The following NALCN variants were observed in gnomAD, a reference collection of about 807,000 sequenced individuals.
NALCN encodes sodium leak channel NALCN.
A neutral mutation model predicts 225.3 loss-of-function variants in NALCN; 111 were observed. The ratio of observed to expected loss-of-function variants is 0.49; its 90% CI spans 0.42 to 0.58. The LOEUF (loss-of-function observed/expected upper bound fraction) is 0.58. Among genes scored for constraint, NALCN ranks in the 20% least tolerant of loss-of-function variants. The probability of loss-of-function intolerance (pLI) is 0.00; values close to 1 mark genes in which losing one functional copy is unlikely to be tolerated. For synonymous variants in NALCN, 764 were observed against 769.0 expected (o/e 0.99, Z 0.11); for missense variants, 1,378 against 2,202.4 (o/e 0.63, Z 7.49).
chr13:101,328,022 A>T (rs1196637361), intron 7 of NALCN, among the ~76,000 whole-genome samples: 2 of 152,092 alleles, frequency 1.3e-5, no homozygotes, highest in Non-Finnish European at 2.9e-5. Flanking sequence ...TTGCGATAAA[A>T]CTTTGTTTAC....
chr13:101,110,331 A>G (rs2035361485), intron 20 of NALCN, among the ~76,000 whole-genome samples: 2 of 152,230 alleles, frequency 1.3e-5, no homozygotes. Context: ...TACAATGCTT[A>G]AAATGTCTTT....
chr13:101,362,177 C>T (rs1012356443), intron 6 of NALCN, among the ~76,000 whole-genome samples: 2 of 151,846 alleles, frequency 1.3e-5, no homozygotes, highest in African/African-American at 4.8e-5. Context: ...TGAAACATAA[C>T]ATATACATAG....
intron 10 of NALCN, among the ~76,000 whole-genome samples, chr13:101,272,099 ATG>A (rs1428359832): frequency 8.0e-5 from 12 of 150,678 alleles, no homozygotes; most frequent in East Asian, 4.0e-4. Flanking sequence ...ACGAGTGTGC[ATG>A]TGTGTGTCTG....
At chr13:101,284,239 T>G (rs1433568773) in intron 9 of NALCN, among the ~76,000 whole-genome samples, 2 of 152,220 alleles carry the variant, frequency 1.3e-5, no homozygotes, top group African/African-American at 4.8e-5. Flanking sequence ...CTACTTGCTA[T>G]GTCAGGCACT....
rs558099427 is a variant in NALCN, at chr13:101,082,774, A to T, written c.3765+35T>A. ...GCTGATTTACTTTAAAACTGTGCAC[A>T]GATTCCCCCAGAGCTAGCTGACTCA... On this transcript the variant is annotated intron_variant, in intron 33 of 43. Coordinates refer to ENST00000251127, the MANE Select transcript of NALCN (RefSeq NM_052867.4). 3.5e-4 allele frequency: 559 copies of T among 1,608,448 alleles called. 4 individuals carry two copies. In the South Asian group the frequency reaches 5.8e-3, roughly 17 times the overall value.
intron 17 of NALCN, among the ~76,000 whole-genome samples, chr13:101,125,077 A>G (rs1006733579): frequency 6.6e-6 from 1 of 152,114 alleles, no homozygotes; most frequent in African/African-American, 2.4e-5. Flanking sequence ...CTGAACAATG[A>G]GTTTAGGAGT....
At chr13:101,159,680 G>GAA (rs2038067842) in intron 15 of NALCN, among the ~76,000 whole-genome samples, 1 of 152,162 alleles carries the variant, frequency 6.6e-6, no homozygotes, top group African/African-American at 2.4e-5. Flanking sequence ...ATCTAGAAGA[G>GAA]ATCTTGTCAG....
At chr13:101,346,387 C>T (rs2045738996) in intron 6 of NALCN, among the ~76,000 whole-genome samples, 1 of 152,012 alleles carries the variant, frequency 6.6e-6, no homozygotes, top group Non-Finnish European at 1.5e-5. Flanking sequence ...TCTTGTCTCA[C>T]TGTGGGCACA....
chr13:101,376,621 T>A (rs2046699370), intron 6 of NALCN, 79 bp downstream of exon 6: 1 of 1,465,274 alleles, frequency 6.8e-7, no homozygotes, highest in African/African-American at 1.4e-5. Flanking sequence ...AAATCTGACA[T>A]AGAGGTTATT....
Position 101,083,784 on chromosome 13 carries a change from G to A in NALCN, c.3510C>T (p.Val1170=). Residue 1170 remains valine, a synonymous_variant, in exon 31 of 44, where the codon GTC becomes GTT. Coordinates refer to ENST00000251127, the MANE Select transcript of NALCN (RefSeq NM_052867.4). The part of the protein sequence containing the change: ...NENKGTALLT[V]DQRRWEDLKS... ...TCAGGTCTTCCCATCTTCTCTGATC[G>A]ACGGTCAGCAAAGCCGTCCCCTTAA... is the stretch of plus-strand genomic sequence containing the variant. 2 of 1,613,770 alleles carry A rather than the reference G, an allele frequency of 1.2e-6. No homozygotes were observed. The highest frequency in any genetic ancestry group is 1.7e-6 in the Non-Finnish European group (2 of 1,179,756).
intron 20 of NALCN, among the ~76,000 whole-genome samples, chr13:101,108,437 G>A (rs1332695212): frequency 6.6e-6 from 1 of 152,152 alleles, no homozygotes; most frequent in African/African-American, 2.4e-5. Context: ...TATGTAAGAG[G>A]ATGCTTAGTG....
At chr13:101,106,628 G>C (rs563742651) in intron 22 of NALCN, among the ~76,000 whole-genome samples, 2 of 152,074 alleles carry the variant, frequency 1.3e-5, no homozygotes, top group African/African-American at 4.8e-5. Flanking sequence ...TCATGGGGGC[G>C]GTTCCCCCAT....
At chr13:101,192,763 G>C (rs2039734784) in intron 13 of NALCN, among the ~76,000 whole-genome samples, 1 of 152,094 alleles carries the variant, frequency 6.6e-6, no homozygotes, top group Admixed American at 6.6e-5. Context: ...AATATCTTTG[G>C]CTAGTTTCAT....
intron 13 of NALCN, among the ~76,000 whole-genome samples, chr13:101,217,356 C>T (rs1229849383): frequency 6.6e-6 from 1 of 152,192 alleles, no homozygotes; most frequent in Non-Finnish European, 1.5e-5. Flanking sequence ...AAAACAGGAA[C>T]TGTTGCATAT....
At position 101,404,549 on chromosome 13, in the gene NALCN, C is replaced by T. The variant is rs1242350710; in HGVS notation, c.-39-5384G>A. On this transcript the variant is annotated intron_variant, in intron 1 of 43. Coordinates refer to ENST00000251127, the MANE Select transcript of NALCN (RefSeq NM_052867.4). ...CACATACATTGTGTCTGCCACCGAA[C>T]AAGGGGCTGCAGATGAAGTAGTAAT... Among the ~76,000 whole-genome samples the T allele has an allele frequency of 7.3e-5, 11 of 151,656 alleles. No individual in the cohort carries two copies. In the South Asian group the frequency reaches 1.3e-3, roughly 17 times the overall value.
intron 6 of NALCN, among the ~76,000 whole-genome samples, chr13:101,352,375 C>A (rs1392146322): frequency 1.3e-5 from 2 of 151,944 alleles, no homozygotes; most frequent in Non-Finnish European, 2.9e-5. Context: ...TGCACACGTA[C>A]TAGTTCTAGG....
intron 10 of NALCN, among the ~76,000 whole-genome samples, chr13:101,278,544 A>AAC (rs1216101758): frequency 3.4e-5 from 5 of 146,972 alleles, no homozygotes; most frequent in Non-Finnish European, 6.1e-5. Context: ...AAAAAAAAAA[A>AAC]AAGAATGAGT....
chr13:101,077,727 TAGGGAGAAATTGA>T (rs1162676141), intron 34 of NALCN, among the ~76,000 whole-genome samples: 8 of 152,218 alleles, frequency 5.3e-5, no homozygotes, highest in Admixed American at 2.6e-4. Flanking sequence ...CCTTATTTAC[TAGGGAGAAATTGA>T]AGCCAGTTGC....
intron 3 of NALCN, among the ~76,000 whole-genome samples, chr13:101,387,930 C>T (rs1344819001): frequency 6.6e-6 from 1 of 152,054 alleles, no homozygotes; most frequent in Non-Finnish European, 1.5e-5. Context: ...TGACAAAGGA[C>T]ATTTTGCTAA....
Sources: allele counts gnomAD v4.1 joint callset (sites outside exome capture counted in the v4.1 genomes callset), GRCh38; gene constraint gnomAD v4.1.1; transcripts MANE v1.5; gene names NCBI Gene and HGNC (gene_info 2026-07-23, HGNC 2026-07-21).